Variants in LSAMP observed in about 807,000 individuals in gnomAD.
The protein encoded by LSAMP is limbic system-associated membrane protein.
Under a neutral mutation model 38.6 loss-of-function variants are expected in LSAMP, and 7 were observed. The ratio of observed to expected loss-of-function variants is 0.18; its 90% confidence interval spans 0.10 to 0.34. LSAMP has a LOEUF of 0.34. Ranked by LOEUF, LSAMP falls within the 10% of genes least tolerant of loss-of-function variation. LSAMP has a pLI of 1.00. For missense variants in LSAMP, 313 were observed against 420.0 expected, an observed-to-expected ratio of 0.75 and a Z score of 2.23; for synonymous variants, 154 against 166.8, an observed-to-expected ratio of 0.92 and a Z score of 0.59.
chr3:116,154,860 A>G (rs1709704779), intron 1 of LSAMP, among the ~76,000 whole-genome samples: 2 of 152,290 alleles, frequency 1.3e-5, no homozygotes, highest in South Asian at 4.1e-4. Flanking sequence ...TAAACTTAAA[A>G]GTAAATTATG....
At chr3:115,866,483 T>C (rs1296667564) in intron 3 of LSAMP, among the ~76,000 whole-genome samples, 2 of 152,208 alleles carry the variant, frequency 1.3e-5, no homozygotes, top group Non-Finnish European at 2.9e-5. Flanking sequence ...GGTTTCATTA[T>C]GCATGGATTT....
intron 1 of LSAMP, among the ~76,000 whole-genome samples, chr3:116,140,233 C>T (rs114317943): frequency 0.012 from 1,774 of 151,966 alleles, 30 homozygotes; most frequent in African/African-American, 0.041. Context: ...ACATGGACAT[C>T]GAAAAACTTG....
intron 3 of LSAMP, among the ~76,000 whole-genome samples, chr3:115,936,440 A>G (rs1937704636): frequency 6.6e-6 from 1 of 152,140 alleles, no homozygotes; most frequent in Non-Finnish European, 1.5e-5. Flanking sequence ...CTATTTATTA[A>G]TCCATTCTGA....
chr3:115,901,917 T>C (rs1237624299), intron 3 of LSAMP, among the ~76,000 whole-genome samples: 2 of 152,122 alleles, frequency 1.3e-5, no homozygotes, highest in Non-Finnish European at 2.9e-5. Flanking sequence ...AGAATTGTTA[T>C]CTACAGATAA....
chr3:115,912,875 A>T (rs1372620925), intron 3 of LSAMP, among the ~76,000 whole-genome samples: 1 of 152,110 alleles, frequency 6.6e-6, no homozygotes, highest in African/African-American at 2.4e-5. Context: ...ACACCCAGGG[A>T]ACTTATGGCC....
At position 116,269,568 on chromosome 3, in the gene LSAMP, A is replaced by T. The variant is rs4147304; in HGVS notation, c.155+175309T>A. 5.4e-4 allele frequency among the ~76,000 whole-genome samples: 82 copies of T among 151,948 alleles called. 1 individual carries two copies. Among genetic ancestry groups the T allele is most frequent in the Non-Finnish European group, 2.2e-4 (15 of 67,968 alleles). ...AATTTTCTTTACGTAATTCTGTTCTATATTCAAGCTAACATTGGGCTTATT... is the reference window on the plus strand; with the variant it reads ...AATTTTCTTTACGTAATTCTGTTCTTTATTCAAGCTAACATTGGGCTTATT... On this transcript the variant is annotated intron_variant, in intron 1 of 6. Coordinates refer to ENST00000490035, the MANE Select transcript of LSAMP (RefSeq NM_002338.5).
intron 1 of LSAMP, among the ~76,000 whole-genome samples, chr3:116,320,138 G>A (rs1443537710): frequency 1.3e-5 from 2 of 152,172 alleles, no homozygotes; most frequent in African/African-American, 2.4e-5. Context: ...AATGAGGCAG[G>A]ACGTGGTGGC....
At chr3:115,935,517 G>A (rs551906147) in intron 3 of LSAMP, among the ~76,000 whole-genome samples, 2 of 152,276 alleles carry the variant, frequency 1.3e-5, no homozygotes, top group South Asian at 2.1e-4. Context: ...ACTAGGTATC[G>A]GAGGCTCTGC....
chr3:116,368,524 A>G (rs1007587464), intron 1 of LSAMP, among the ~76,000 whole-genome samples: 2 of 152,228 alleles, frequency 1.3e-5, no homozygotes, highest in African/African-American at 4.8e-5. Context: ...TGTTAGATTT[A>G]TGTAGTAAAA....
intron 1 of LSAMP, among the ~76,000 whole-genome samples, chr3:116,118,274 T>C (rs955903525): frequency 2.6e-5 from 4 of 152,184 alleles, no homozygotes; most frequent in Non-Finnish European, 5.9e-5. Flanking sequence ...ATTTCTCTTA[T>C]TTTAATTGCT....
chr3:116,130,411 T>C (rs1709098484), intron 1 of LSAMP, among the ~76,000 whole-genome samples: 1 of 152,358 alleles, frequency 6.6e-6, no homozygotes, highest in Non-Finnish European at 1.5e-5. Context: ...CCAAAGTTCT[T>C]ACATGAGGTG....
chr3:115,888,868 G>A (rs1279288405), intron 3 of LSAMP, among the ~76,000 whole-genome samples: 1 of 151,902 alleles, frequency 6.6e-6, no homozygotes, highest in Non-Finnish European at 1.5e-5. Context: ...TGGAATCCTA[G>A]TCTATTCTAA....
chr3:116,248,510 T>A (rs1013429267), intron 1 of LSAMP, among the ~76,000 whole-genome samples: 4 of 151,308 alleles, frequency 2.6e-5, no homozygotes, highest in Admixed American at 6.6e-5. Context: ...TGTGTGTGTG[T>A]GTGTGTGTGT....
intron 1 of LSAMP, among the ~76,000 whole-genome samples, chr3:116,340,540 T>C (rs1457519913): frequency 6.6e-6 from 1 of 152,022 alleles, no homozygotes; most frequent in African/African-American, 2.4e-5. Flanking sequence ...TTGAAATGCT[T>C]ATTGCGGATC....
At chr3:115,996,266 C>G (rs939968574) in intron 3 of LSAMP, among the ~76,000 whole-genome samples, 3 of 151,992 alleles carry the variant, frequency 2.0e-5, no homozygotes, top group African/African-American at 7.2e-5. Flanking sequence ...ATAATAATAA[C>G]TACACATTGA....
At chr3:115,839,308 T>TCCTC (rs1553738475) in intron 6 of LSAMP, among the ~76,000 whole-genome samples, 6 of 138,626 alleles carry the variant, frequency 4.3e-5, no homozygotes, top group Non-Finnish European at 9.7e-5. Context: ...CTTCCTTCCT[T>TCCTC]CCTTCCTTCC....
intron 2 of LSAMP, among the ~76,000 whole-genome samples, chr3:116,031,915 G>A (rs1429700651): frequency 2.0e-5 from 3 of 151,934 alleles, no homozygotes; most frequent in African/African-American, 7.3e-5. Flanking sequence ...AATTTTAATT[G>A]TTTCAAAAAT....
At chr3:116,018,146 A>T (rs1016760533) in intron 3 of LSAMP, among the ~76,000 whole-genome samples, 1 of 152,166 alleles carries the variant, frequency 6.6e-6, no homozygotes, top group Non-Finnish European at 1.5e-5. Context: ...TCATGTATAT[A>T]TTATCAATAA....
intron 6 of LSAMP, among the ~76,000 whole-genome samples, chr3:115,811,471 TAAAC>T (rs1315064934): frequency 6.6e-6 from 1 of 152,194 alleles, no homozygotes; most frequent in Non-Finnish European, 1.5e-5. Context: ...ACTACATACT[TAAAC>T]AATGATGTTC....
Sources: gnomAD v4.1 joint callset for allele counts (sites outside exome capture counted in the v4.1 genomes callset) on GRCh38, gnomAD v4.1.1 for gene constraint, MANE v1.5 for transcripts, NCBI Gene and HGNC (gene_info 2026-07-23, HGNC 2026-07-21) for gene names.